Variants in ENTHD1 observed in about 807,000 individuals in gnomAD.
The protein encoded by ENTHD1 is ENTH domain containing 1.
In ENTHD1, 23 loss-of-function variants were observed where a neutral mutation model predicts 39.1. That is an observed-to-expected ratio of 0.59 (90% CI 0.42 to 0.83). ENTHD1 has a LOEUF of 0.83. ENTHD1 is among the 40% of genes least tolerant of loss of function. ENTHD1 has a pLI of 0.00. For missense variants in ENTHD1, 624 were observed against 705.4 expected, an observed-to-expected ratio of 0.88 and a Z score of 1.31; for synonymous variants, 230 against 258.2, an observed-to-expected ratio of 0.89 and a Z score of 1.05.
In ENTHD1 at chr22:39,855,023, A is replaced by G. The variant is rs116543598; in HGVS notation, c.592+6742T>C. Among the ~76,000 whole-genome samples, 923 of 152,292 alleles carry G rather than the reference A, an allele frequency of 6.1e-3. 4 individuals carry two copies. The highest frequency in any genetic ancestry group is 0.021 in the African/African-American group (881 of 41,540). On this transcript the variant is annotated intron_variant, in intron 3 of 6. Coordinates refer to ENST00000325157, the MANE Select transcript of ENTHD1 (RefSeq NM_152512.4). ...ATCCACTTACCCCCATTGCCTCTCT[A>G]CAGTCTATCTTTAAACACTACTGTT... is the stretch of plus-strand genomic sequence containing the variant.
At chr22:39,835,382 A>G (rs898627197) in intron 4 of ENTHD1, among the ~76,000 whole-genome samples, 3 of 152,164 alleles carry the variant, frequency 2.0e-5, no homozygotes, top group Non-Finnish European at 4.4e-5. Flanking sequence ...CCACAAGGGT[A>G]CAAAGAAGGA....
chr22:39,765,604 C>G lies in ENTHD1; in HGVS notation c.838G>C (p.Val280Leu). Residue 280 changes from valine to leucine, a missense_variant, in exon 6 of 7, where the codon GTG becomes CTG. By Grantham distance (32) the Val-to-Leu change is conservative. Coordinates refer to ENST00000325157, the MANE Select transcript of ENTHD1 (RefSeq NM_152512.4). ...GGACTATTTTCTGAGAGAGTAGGCA[C>G]AGCATCTATAAAAGAACAAATAAGA... Reference protein sequence around the residue: ...EVCNLSGADAVPTLSENSPSG... With the variant: ...EVCNLSGADALPTLSENSPSG... 2 of 1,602,592 alleles carry G rather than the reference C, an allele frequency of 1.2e-6. No homozygotes were observed. Among genetic ancestry groups the G allele is most frequent in the Non-Finnish European group, 1.7e-6 (2 of 1,175,090 alleles).
intron 5 of ENTHD1, among the ~76,000 whole-genome samples, chr22:39,817,317 T>C (rs1323369866): frequency 1.3e-5 from 2 of 152,182 alleles, no homozygotes; most frequent in African/African-American, 4.8e-5. Flanking sequence ...GCATTCTTTG[T>C]AACAGTGAAA....
chr22:39,823,387 C>T (rs1197205100), intron 4 of ENTHD1, among the ~76,000 whole-genome samples: 1 of 152,064 alleles, frequency 6.6e-6, no homozygotes, highest in Non-Finnish European at 1.5e-5. Context: ...GTCTGTCGCC[C>T]AGGCTGGAGT....
chr22:39,767,732 T>C (rs1326478304), intron 5 of ENTHD1, among the ~76,000 whole-genome samples: 1 of 152,222 alleles, frequency 6.6e-6, no homozygotes, highest in Non-Finnish European at 1.5e-5. Context: ...TGACCAGAAC[T>C]TTCTGATGAA....
At chr22:39,813,526 C>T (rs1395683583) in intron 5 of ENTHD1, among the ~76,000 whole-genome samples, 1 of 152,126 alleles carries the variant, frequency 6.6e-6, no homozygotes, top group Non-Finnish European at 1.5e-5. Flanking sequence ...TGTAACTATC[C>T]ATATAAATGC....
chr22:39,744,008 C>CA lies in ENTHD1; in HGVS notation c.1494dup (p.Asp499Ter), dbSNP rs1473891911. 3 of 1,614,136 alleles carry CA rather than the reference C, an allele frequency of 1.9e-6. No homozygotes were observed. The highest frequency in any genetic ancestry group is 1.7e-5 in the Admixed American group (1 of 60,012). On this transcript the variant is annotated frameshift_variant, in exon 7 of 7. Transcript: ENST00000325157. LOFTEE classifies it low-confidence loss of function (END_TRUNC). Reference sequence around the variant, plus strand: ...TGACTTATATTCTTTTTAGCAGAATCAGAGTTATTTGGAAGAATTCCCAGT... The same window carrying CA: ...TGACTTATATTCTTTTTAGCAGAATCAAGAGTTATTTGGAAGAATTCCCAGT...
chr22:39,844,028 T>C (rs1031699157), intron 3 of ENTHD1, among the ~76,000 whole-genome samples: 1 of 152,130 alleles, frequency 6.6e-6, no homozygotes, highest in Non-Finnish European at 1.5e-5. Flanking sequence ...AGATGGAGTG[T>C]ACAATTACTG....
At chr22:39,885,001 T>C (rs1472119277) in intron 2 of ENTHD1, among the ~76,000 whole-genome samples, 3 of 152,160 alleles carry the variant, frequency 2.0e-5, no homozygotes, top group Non-Finnish European at 4.4e-5. Context: ...GAAAAATAGA[T>C]ACATTGCACT....
chr22:39,746,779 T>C (rs2065109047), intron 6 of ENTHD1, among the ~76,000 whole-genome samples: 1 of 152,086 alleles, frequency 6.6e-6, no homozygotes, highest in South Asian at 2.1e-4. Flanking sequence ...CAGCATGTGG[T>C]TTACATATCA....
At chr22:39,788,876 AG>A (rs2065481247) in intron 5 of ENTHD1, among the ~76,000 whole-genome samples, 1 of 152,194 alleles carries the variant, frequency 6.6e-6, no homozygotes, top group Non-Finnish European at 1.5e-5. Flanking sequence ...GATGATTGTT[AG>A]CCTTTTTTAG....
intron 2 of ENTHD1, chr22:39,875,597 T>C: frequency 6.2e-7 from 1 of 1,611,796 alleles, no homozygotes; most frequent in Admixed American, 1.7e-5. Flanking sequence ...TACGAAGTCT[T>C]CAAGAGAAAG....
intron 4 of ENTHD1, among the ~76,000 whole-genome samples, chr22:39,835,273 AC>A (rs2065900446): frequency 6.6e-6 from 1 of 152,098 alleles, no homozygotes; most frequent in Non-Finnish European, 1.5e-5. Flanking sequence ...GGGACTCTGT[AC>A]TATTTTTGCA....
At chr22:39,776,667 A>G (rs1341842512) in intron 5 of ENTHD1, among the ~76,000 whole-genome samples, 1 of 152,202 alleles carries the variant, frequency 6.6e-6, no homozygotes, top group Non-Finnish European at 1.5e-5. Flanking sequence ...CATGAAAATG[A>G]CTGAAGTAGG....
chr22:39,768,441 A>C (rs57885612), intron 5 of ENTHD1, among the ~76,000 whole-genome samples: 1,902 of 152,108 alleles, frequency 0.013, 43 homozygotes, highest in African/African-American at 0.044. Flanking sequence ...CTGATTCCCC[A>C]TCCTGGAATA....
intron 5 of ENTHD1, among the ~76,000 whole-genome samples, chr22:39,800,197 C>T (rs972422301): frequency 1.3e-5 from 2 of 152,218 alleles, no homozygotes; most frequent in Non-Finnish European, 2.9e-5. Flanking sequence ...TCTCCAAGCT[C>T]CCAGCCAATC....
chr22:39,871,614 CCTT>C (rs1475269664), intron 2 of ENTHD1, among the ~76,000 whole-genome samples: 1 of 152,126 alleles, frequency 6.6e-6, no homozygotes, highest in Non-Finnish European at 1.5e-5. Flanking sequence ...GGTTGCTTTC[CCTT>C]TTTTGTTTAC....
intron 1 of ENTHD1, among the ~76,000 whole-genome samples, chr22:39,888,120 G>A (rs2066397234): frequency 6.6e-6 from 1 of 152,020 alleles, no homozygotes. Flanking sequence ...TGTCTTTCTA[G>A]TCATAAAAGT....
intron 5 of ENTHD1, among the ~76,000 whole-genome samples, chr22:39,772,194 G>A (rs2065331996): frequency 6.6e-6 from 1 of 152,174 alleles, no homozygotes; most frequent in Non-Finnish European, 1.5e-5. Context: ...CTCATAAGGA[G>A]TGTGCAACCT....
Sources: gnomAD v4.1 joint callset for allele counts (sites outside exome capture counted in the v4.1 genomes callset) on GRCh38, gnomAD v4.1.1 for gene constraint, MANE v1.5 for transcripts, NCBI Gene and HGNC (gene_info 2026-07-23, HGNC 2026-07-21) for gene names.